The following ROBO2 variants were observed in gnomAD, a reference collection of about 807,000 sequenced individuals.
The protein encoded by ROBO2 is roundabout guidance receptor 2.
A neutral mutation model predicts 160.8 loss-of-function variants in ROBO2; 53 were observed. The ratio of observed to expected loss-of-function variants is 0.33; its 90% CI spans 0.26 to 0.41. ROBO2 has a LOEUF of 0.41. Ranked by LOEUF, ROBO2 falls within the 10% of genes least tolerant of loss-of-function variation. The pLI, the probability that ROBO2 is intolerant of heterozygous loss-of-function variation, is 1.00. For missense variants in ROBO2, 1,577 were observed against 1,722.4 expected, an observed-to-expected ratio of 0.92 and a Z score of 1.49; for synonymous variants, 664 against 611.7, an observed-to-expected ratio of 1.09 and a Z score of -1.26.
intron 2 of ROBO2, among the ~76,000 whole-genome samples, chr3:76,823,479 T>A (rs2066295670): frequency 6.6e-6 from 1 of 152,140 alleles, no homozygotes; most frequent in Non-Finnish European, 1.5e-5. Context: ...ATCTAGGTGT[T>A]CAAGACAGGA....
intron 2 of ROBO2, among the ~76,000 whole-genome samples, chr3:76,963,855 A>G (rs913609698): frequency 6.6e-6 from 1 of 151,228 alleles, no homozygotes; most frequent in African/African-American, 2.4e-5. Flanking sequence ...AAAAAGAAAA[A>G]AAAGAAAAAA....
chr3:76,824,903 A>G (rs1176642292), intron 2 of ROBO2, among the ~76,000 whole-genome samples: 1 of 152,154 alleles, frequency 6.6e-6, no homozygotes. Flanking sequence ...TGCTGAGATG[A>G]TGCAGCACAG....
chr3:77,068,280 GA>G (rs2067067915), intron 1 of ROBO2, among the ~76,000 whole-genome samples: 1 of 152,022 alleles, frequency 6.6e-6, no homozygotes, highest in Admixed American at 6.6e-5. Context: ...TGTGACAAAA[GA>G]AAGCTTTATG....
rs576297907 is a variant in ROBO2 at position 77,155,186 on chromosome 3, G to A, written c.388+56846G>A. On this transcript the variant is annotated intron_variant, in intron 2 of 25. Transcript: ENST00000461745. Reference sequence around the variant, plus strand: ...GGAAGGCAGGATAATGGTCCTCAATGATGTCTGAGTCCTAATCCCTGAATA... The same window carrying A: ...GGAAGGCAGGATAATGGTCCTCAATAATGTCTGAGTCCTAATCCCTGAATA... Among the ~76,000 whole-genome samples, 4 of 152,126 alleles carry A rather than the reference G, an allele frequency of 2.6e-5. No individual in the cohort carries two copies. The South Asian group carries it at 8.3e-4, about 32-fold the overall frequency.
intron 2 of ROBO2, among the ~76,000 whole-genome samples, chr3:76,829,825 T>C (rs547061258): frequency 8.3e-4 from 126 of 152,198 alleles, no homozygotes; most frequent in African/African-American, 2.7e-3. Flanking sequence ...TGCGCCACCA[T>C]GCCCGGCTAA....
chr3:77,570,772 T>C (rs984157210), intron 13 of ROBO2, among the ~76,000 whole-genome samples: 1 of 152,020 alleles, frequency 6.6e-6, no homozygotes, highest in Admixed American at 6.6e-5. Context: ...AGCATTTGCT[T>C]TACAGAAGTG....
intron 2 of ROBO2, among the ~76,000 whole-genome samples, chr3:77,153,043 G>C (rs540555495): frequency 2.0e-5 from 3 of 151,998 alleles, no homozygotes; most frequent in African/African-American, 4.8e-5. Context: ...AGTCTGTCTC[G>C]TTTCACTTAG....
intron 2 of ROBO2, among the ~76,000 whole-genome samples, chr3:77,438,645 A>G (rs1333825468): frequency 6.6e-6 from 1 of 151,924 alleles, no homozygotes; most frequent in East Asian, 1.9e-4. Flanking sequence ...TTACATGTAA[A>G]TCAAGCATAT....
intron 2 of ROBO2, among the ~76,000 whole-genome samples, chr3:76,429,998 G>A (rs1011009642): frequency 3.3e-5 from 5 of 152,140 alleles, no homozygotes; most frequent in Non-Finnish European, 7.4e-5. Flanking sequence ...AGGACACGGG[G>A]ACACTGGGAA....
intron 2 of ROBO2, among the ~76,000 whole-genome samples, chr3:76,278,597 G>T (rs1285226654): frequency 1.3e-5 from 2 of 151,942 alleles, no homozygotes; most frequent in East Asian, 3.9e-4. Context: ...ATACAAGTTT[G>T]TCCCGGCATT....
In ROBO2 at chr3:76,224,148, C is replaced by A. The variant is rs1307200963; in HGVS notation, c.109+286546C>A. Among the ~76,000 whole-genome samples, 3 of 152,062 alleles carry A rather than the reference C, an allele frequency of 2.0e-5. No homozygotes were observed. In the East Asian group the frequency reaches 5.8e-4, roughly 29 times the overall value. Reference sequence around the variant, plus strand: ...TATTGGTACTGTTTATTTGGGGAACCCTCAATAGCACAGATTTTTGGTACC... The same window carrying A: ...TATTGGTACTGTTTATTTGGGGAACACTCAATAGCACAGATTTTTGGTACC... On this transcript the variant is annotated intron_variant, in intron 2 of 26. Coordinates refer to the ROBO2 transcript ENST00000487694.
intron 2 of ROBO2, among the ~76,000 whole-genome samples, chr3:76,068,650 T>G (rs894460327): frequency 2.0e-5 from 3 of 152,182 alleles, no homozygotes; most frequent in African/African-American, 7.2e-5. Context: ...CTTTCCATAT[T>G]CTACAAATCT....
At chr3:77,208,836 G>A (rs2083747764) in intron 2 of ROBO2, among the ~76,000 whole-genome samples, 1 of 152,202 alleles carries the variant, frequency 6.6e-6, no homozygotes. Context: ...TGAGTTCAGA[G>A]AGAAAGGCAT....
chr3:75,961,290 AAG>A (rs1948902274), intron 2 of ROBO2, among the ~76,000 whole-genome samples: 1 of 151,698 alleles, frequency 6.6e-6, no homozygotes, highest in Non-Finnish European at 1.5e-5. Flanking sequence ...ACATTACACT[AAG>A]TGATTTACTT....
chr3:76,279,600 T>A (rs1337765373), intron 2 of ROBO2, among the ~76,000 whole-genome samples: 1 of 152,010 alleles, frequency 6.6e-6, no homozygotes, highest in Non-Finnish European at 1.5e-5. Flanking sequence ...ATGTGTTCTT[T>A]ATGACCCACC....
At chr3:77,576,137 A>G (rs1559647229) in intron 14 of ROBO2, among the ~76,000 whole-genome samples, 1 of 152,150 alleles carries the variant, frequency 6.6e-6, no homozygotes, top group East Asian at 1.9e-4. Flanking sequence ...ATTCTACTTA[A>G]TAACTACAAG....
intron 2 of ROBO2, among the ~76,000 whole-genome samples, chr3:77,033,136 C>T (rs966814041): frequency 3.3e-5 from 5 of 152,128 alleles, no homozygotes; most frequent in African/African-American, 7.2e-5. Flanking sequence ...TTGTCAACAT[C>T]GCACTGCAAG....
At chr3:76,988,792 G>A (rs4855998) in intron 2 of ROBO2, among the ~76,000 whole-genome samples, 1 of 152,018 alleles carries the variant, frequency 6.6e-6, no homozygotes, top group Admixed American at 6.6e-5. Flanking sequence ...TTTGTGCTTC[G>A]AGACATTAAG....
chr3:76,829,957 C>T (rs146371391), intron 2 of ROBO2, among the ~76,000 whole-genome samples: 34 of 152,326 alleles, frequency 2.2e-4, no homozygotes, highest in African/African-American at 7.9e-4. Flanking sequence ...CGTAAGCCAC[C>T]GTACCCAGCC....
Sources: gnomAD v4.1 joint callset for allele counts (sites outside exome capture counted in the v4.1 genomes callset) on GRCh38, gnomAD v4.1.1 for gene constraint, MANE v1.5 for transcripts, NCBI Gene and HGNC (gene_info 2026-07-23, HGNC 2026-07-21) for gene names.